DNAH6: variants seen among roughly 807,000 people sequenced by gnomAD.
DNAH6 encodes the protein dynein axonemal heavy chain 6.
A neutral mutation model predicts 491.4 loss-of-function variants in DNAH6; 340 were observed. The ratio of observed to expected loss-of-function variants is 0.69; its 90% CI spans 0.63 to 0.76. The LOEUF (loss-of-function observed/expected upper bound fraction) is 0.76, where lower values mean the gene tolerates loss of function less well. Ranked by LOEUF, DNAH6 falls within the 30% of genes least tolerant of loss-of-function variation. The pLI, the probability that DNAH6 is intolerant of heterozygous loss-of-function variation, is 0.00. For missense variants in DNAH6, 4,443 were observed against 4,972.2 expected (o/e 0.89, Z 3.20); for synonymous variants, 1,603 against 1,686.1 (o/e 0.95, Z 1.21).
At chr2:84,556,913 T>C (rs1257521241) in intron 10 of DNAH6, among the ~76,000 whole-genome samples, 2 of 152,250 alleles carry the variant, frequency 1.3e-5, no homozygotes, top group Non-Finnish European at 2.9e-5. Flanking sequence ...TAATTTTCCA[T>C]TGTTTAAAAG....
At chr2:84,754,163 G>C (rs895013319) in intron 63 of DNAH6, among the ~76,000 whole-genome samples, 4 of 150,660 alleles carry the variant, frequency 2.7e-5, no homozygotes, top group Admixed American at 2.7e-4. Context: ...TGAAGTAAGA[G>C]TCCAACATTC....
At position 84,812,378 on chromosome 2, in the gene DNAH6, T is replaced by C. The variant is rs770809871; in HGVS notation, c.11777T>C (p.Phe3926Ser). ...LETLNKAIAG[F>S]VVMSEEMEKV... ...ACACTCAACAAAGCCATCGCTGGAT[T>C]TGTGGTGATGTCTGAAGAAATGGAA... Residue 3926 changes from phenylalanine (F) to serine (S), a missense_variant, in exon 73 of 77, where the codon TTT (phenylalanine) becomes TCT (serine). Around this residue, in one of 3 missense-constraint regions of DNAH6, gnomAD observed 1,463 missense variants for 1,656.6 expected, o/e 0.88. Coordinates refer to ENST00000389394, the MANE Select transcript of DNAH6 (RefSeq NM_001370.2). 3 of 1,552,024 alleles carry C rather than the reference T, an allele frequency of 1.9e-6. No individual in the cohort carries two copies. The highest frequency in any genetic ancestry group is 2.4e-5 in the South Asian group (2 of 84,048).
the DNAH6 span, among the ~76,000 whole-genome samples, chr2:84,484,983 G>A: frequency 6.6e-6 from 1 of 152,112 alleles, no homozygotes; most frequent in African/African-American, 2.4e-5. Context: ...TGAGTGCTTC[G>A]GGAAATTCAA....
intron 13 of DNAH6, among the ~76,000 whole-genome samples, chr2:84,579,290 C>G (rs1682781457): frequency 6.6e-6 from 1 of 152,126 alleles, no homozygotes; most frequent in Admixed American, 6.5e-5. Flanking sequence ...AGCATACTTG[C>G]AAAATATTAG....
intron 71 of DNAH6, among the ~76,000 whole-genome samples, chr2:84,806,111 T>C (rs1456667071): frequency 6.6e-6 from 1 of 152,226 alleles, no homozygotes; most frequent in Non-Finnish European, 1.5e-5. Flanking sequence ...CTAGCCAATA[T>C]GGCTACCTAA....
chr2:84,702,508 A>G (rs1023214535), intron 49 of DNAH6, among the ~76,000 whole-genome samples: 1 of 150,312 alleles, frequency 6.7e-6, no homozygotes, highest in African/African-American at 2.4e-5. Flanking sequence ...AAATAACTTG[A>G]CTGATATTTT....
chr2:84,649,375 C>A (rs1277527261), intron 33 of DNAH6, among the ~76,000 whole-genome samples: 1 of 152,114 alleles, frequency 6.6e-6, no homozygotes, highest in Non-Finnish European at 1.5e-5. Context: ...TTATCATGTT[C>A]TTTCTTCCTT....
At chr2:84,714,218 C>A (rs959396365) in intron 57 of DNAH6, among the ~76,000 whole-genome samples, 1 of 152,226 alleles carries the variant, frequency 6.6e-6, no homozygotes, top group Non-Finnish European at 1.5e-5. Flanking sequence ...TTCCAAAGAG[C>A]GTCACTTTCA....
chr2:84,626,884 G>A (rs946734214), intron 29 of DNAH6, among the ~76,000 whole-genome samples: 20 of 152,302 alleles, frequency 1.3e-4, no homozygotes, highest in African/African-American at 4.8e-4. Context: ...GGGATTACAG[G>A]CGTGAGCCAC....
chr2:84,579,994 G>A (rs1037889578), intron 14 of DNAH6, among the ~76,000 whole-genome samples: 1 of 152,142 alleles, frequency 6.6e-6, no homozygotes, highest in South Asian at 2.1e-4. Flanking sequence ...TGTGTGATCC[G>A]AGATCACAAA....
At chr2:84,758,327 C>T (rs1674241828) in intron 63 of DNAH6, among the ~76,000 whole-genome samples, 1 of 152,070 alleles carries the variant, frequency 6.6e-6, no homozygotes, top group African/African-American at 2.4e-5. Flanking sequence ...AAGTAAAAAG[C>T]AAATGGTTTA....
At chr2:84,565,727 G>A (rs539481349) in intron 11 of DNAH6, among the ~76,000 whole-genome samples, 29 of 151,898 alleles carry the variant, frequency 1.9e-4, no homozygotes, top group East Asian at 1.4e-3. Flanking sequence ...ATGTCTTTTC[G>A]TAGGTCTAGA....
At chr2:84,696,415 A>G (rs930955593) in intron 46 of DNAH6, among the ~76,000 whole-genome samples, 1 of 151,978 alleles carries the variant, frequency 6.6e-6, no homozygotes, top group African/African-American at 2.4e-5. Context: ...TGAACTTAAT[A>G]TAAATAAAAA....
At chr2:84,584,401 T>C (rs1445036469) in intron 15 of DNAH6, 151 bp downstream of exon 15, 4 of 815,058 alleles carry the variant, frequency 4.9e-6, no homozygotes, top group Non-Finnish European at 7.4e-6. Flanking sequence ...AAATTGTTAA[T>C]CAAGCTAATT....
At position 84,619,770 on chromosome 2, in the gene DNAH6, T is replaced by G; in HGVS notation, c.3658T>G (p.Cys1220Gly). 1 of 1,551,668 alleles carries G rather than the reference T, an allele frequency of 6.4e-7. No homozygotes were observed. The highest frequency in any genetic ancestry group is 1.2e-5 in the South Asian group (1 of 84,066). ...GGCCGTGCAGCCACACTTAAGGAAA[T>G]GCTTCGACTCCATTTCAAAGCTCGA... is the stretch of plus-strand genomic sequence containing the variant. ...PQAVQPHLRK[C>G]FDSISKLEFA... Residue 1220 changes from cysteine to glycine, a missense_variant, in exon 24 of 77, where the codon TGC (cysteine) becomes GGC (glycine). Physicochemically the swap from Cys to Gly is radical, Grantham distance 159. Around this residue, in one of 3 missense-constraint regions of DNAH6, gnomAD observed 2,977 missense variants for 3,296.6 expected, o/e 0.90. Transcript: ENST00000389394.
chr2:84,463,488 TC>T, the DNAH6 span, among the ~76,000 whole-genome samples: 1 of 152,322 alleles, frequency 6.6e-6, no homozygotes, highest in East Asian at 1.9e-4. Context: ...CCTTCTAGTC[TC>T]CCCACCACCT....
At chr2:84,788,722 C>T (rs1269535333) in intron 68 of DNAH6, among the ~76,000 whole-genome samples, 2 of 152,176 alleles carry the variant, frequency 1.3e-5, no homozygotes, top group Admixed American at 1.3e-4. Context: ...ATGTGGCACC[C>T]ATCCACTGTT....
intron 36 of DNAH6, among the ~76,000 whole-genome samples, 154 bp downstream of exon 36, chr2:84,658,628 C>T (rs1691201896): frequency 6.6e-6 from 1 of 152,082 alleles, no homozygotes; most frequent in Non-Finnish European, 1.5e-5. Flanking sequence ...CTTAGAATCT[C>T]AAAGCTACAA....
chr2:84,734,241 G>T (rs1320324202), intron 62 of DNAH6, among the ~76,000 whole-genome samples: 1 of 150,922 alleles, frequency 6.6e-6, no homozygotes, highest in Non-Finnish European at 1.5e-5. Context: ...CGCCTCCCGG[G>T]TTCATTCTCT....
Sources: allele counts gnomAD v4.1 joint callset (sites outside exome capture counted in the v4.1 genomes callset), GRCh38; gene constraint gnomAD v4.1.1; regional missense constraint gnomAD v4.1.1; transcripts MANE v1.5; gene names NCBI Gene and HGNC (gene_info 2026-07-23, HGNC 2026-07-21).